The following PLEKHH1 variants were observed in gnomAD, a reference collection of about 807,000 sequenced individuals.
The protein encoded by PLEKHH1 is pleckstrin homology, MyTH4 and FERM domain containing H1.
Under a neutral mutation model 160.0 loss-of-function variants are expected in PLEKHH1, and 104 were observed. That is an observed-to-expected ratio of 0.65 (90% CI 0.55 to 0.76). The LOEUF is 0.76. Among genes scored for constraint, PLEKHH1 ranks in the 30% least tolerant of loss-of-function variants. The pLI, the probability that PLEKHH1 is intolerant of heterozygous loss-of-function variation, is 0.00. For synonymous variants in PLEKHH1, 619 were observed against 678.4 expected, an observed-to-expected ratio of 0.91 and a Z score of 1.36; for missense variants, 1,427 against 1,724.1, an observed-to-expected ratio of 0.83 and a Z score of 3.05.
At chr14:67,568,547 G>A (rs143397797) in intron 7 of PLEKHH1, among the ~76,000 whole-genome samples, 81 of 151,996 alleles carry the variant, frequency 5.3e-4, no homozygotes, top group Non-Finnish European at 5.9e-4. Flanking sequence ...CATGACACAC[G>A]TTTACCTACA....
At position 67,578,288 on chromosome 14, in the gene PLEKHH1, T is replaced by G; in HGVS notation, c.2751+89T>G. 1.6e-5 allele frequency: 19 copies of G among 1,203,308 alleles called. No individual in the cohort carries two copies. The highest frequency in any genetic ancestry group is 2.2e-5 in the Non-Finnish European group (18 of 830,614). 74.5% of individuals were successfully genotyped at this position (1,203,308 alleles called of 1,614,324 possible). A position where few individuals can be genotyped will look rare whatever the true frequency, so the allele number is the denominator to read the frequency against. On this transcript the variant is annotated intron_variant, in intron 19 of 28. Transcript: ENST00000329153. This position sits in a 1 kb window ranked among gnomAD's most constrained non-coding sequence, Gnocchi z 5.0. ...GTGGGAGGAGGTGACTGGGCAGGTATACGGTGAGCCCAGCCAGCGGGCAGC... is the reference window on the plus strand; with the variant it reads ...GTGGGAGGAGGTGACTGGGCAGGTAGACGGTGAGCCCAGCCAGCGGGCAGC...
In PLEKHH1 at chr14:67,578,447, G is replaced by A. The variant is rs1319025809; in HGVS notation, c.2752-87G>A. ...TTGGGGGCTCTGGTTTGGGGAAAGAGTGCTGAAGGCTCTGTAGCTCAGGGC... is the reference window on the plus strand; with the variant it reads ...TTGGGGGCTCTGGTTTGGGGAAAGAATGCTGAAGGCTCTGTAGCTCAGGGC... On this transcript the variant is annotated intron_variant, in intron 19 of 28. Coordinates refer to ENST00000329153, the MANE Select transcript of PLEKHH1 (RefSeq NM_020715.3). The surrounding 1 kb of genome is among the most constrained non-coding windows in gnomAD (Gnocchi z 5.0). 5 of 999,482 alleles carry A rather than the reference G, an allele frequency of 5.0e-6. No homozygotes were observed. The highest frequency in any genetic ancestry group is 1.4e-5 in the South Asian group (1 of 72,866). 61.9% of individuals were successfully genotyped at this position (999,482 alleles called of 1,614,324 possible).
rs1036905935 is a variant in PLEKHH1, at chr14:67,583,999, C to T, written c.3574C>T (p.Leu1192=). 6 of 1,613,912 alleles carry T rather than the reference C, an allele frequency of 3.7e-6. No homozygotes were observed. In the African/African-American group the frequency reaches 8.0e-5, roughly 22 times the overall value. ...HGAPAEQLRH[L]ADMLTTKWAT... Reference sequence around the variant, plus strand: ...CTCTCCATCTGCCCACACCAGGCACCTGGCAGATATGTTGACCACAAAATG... The same window carrying T: ...CTCTCCATCTGCCCACACCAGGCACTTGGCAGATATGTTGACCACAAAATG... Residue 1192 remains leucine, a synonymous_variant, in exon 26 of 29, where the codon CTG becomes TTG. Coordinates refer to ENST00000329153, the MANE Select transcript of PLEKHH1 (RefSeq NM_020715.3).
intron 15 of PLEKHH1, 118 bp downstream of exon 15, chr14:67,575,590 A>C: frequency 2.6e-6 from 2 of 772,992 alleles, no homozygotes; most frequent in East Asian, 2.7e-5. Flanking sequence ...ATACAAAATC[A>C]GTTGGCTGGA....
Position 67,562,711 on chromosome 14 carries a change from C to A in PLEKHH1, c.1080C>A (p.Gly360=). ...TEAFSALHPS[G]LPELESRARS... ...CCTTCTCAGCCCTCCACCCCTCTGG[C>A]CTTCCTGAGCTGGAGTCCCGAGCTA... The change falls in exon 7 of 29, where the codon GGC becomes GGA. Residue 360 remains glycine, a synonymous_variant. Coordinates refer to ENST00000329153, the MANE Select transcript of PLEKHH1 (RefSeq NM_020715.3). The A allele has an allele frequency of 6.2e-7, 1 of 1,613,060 alleles. No homozygotes were observed. The highest frequency in any genetic ancestry group is 8.5e-7 in the Non-Finnish European group (1 of 1,179,570).
chr14:67,562,499 C>T lies in PLEKHH1; in HGVS notation c.868C>T (p.Gln290Ter), dbSNP rs2034886581. The change falls in exon 7 of 29, where the codon CAG becomes TAG. Residue 290 changes from glutamine to a stop codon, truncating the protein, a stop_gained. Transcript: ENST00000329153. LOFTEE classifies it high-confidence loss of function. ...ASWGEGLVTAQRGMLPGTKTS... is the reference protein window; with the variant it reads ...ASWGEGLVTA ...CTGGGGTGAGGGTCTGGTTACTGCTCAGAGAGGGATGCTCCCTGGGACAAA... is the reference window on the plus strand; with the variant it reads ...CTGGGGTGAGGGTCTGGTTACTGCTTAGAGAGGGATGCTCCCTGGGACAAA... 1.2e-6 allele frequency: 2 copies of T among 1,612,348 alleles called. No homozygotes were observed. Among genetic ancestry groups the T allele is most frequent in the East Asian group, 2.2e-5 (1 of 44,806 alleles).
Position 67,575,421 on chromosome 14 carries a change from G to A in PLEKHH1, c.2118G>A (p.Trp706Ter). 1 of 1,610,194 alleles carries A rather than the reference G, an allele frequency of 6.2e-7. No individual in the cohort carries two copies. Residue 706 changes from tryptophan (W) to a stop codon, truncating the protein, a stop_gained, in exon 15 of 29, where the codon TGG becomes TGA. Coordinates refer to ENST00000329153, the MANE Select transcript of PLEKHH1 (RefSeq NM_020715.3). LOFTEE classifies it high-confidence loss of function. ...KVKHGHSKVV[W>*]CALVGKIFYY... ...AGCATGGCCACTCCAAGGTGGTCTG[G>A]TGCGCTCTTGTTGGGAAAATCTTCT...
chr14:67,585,750 A>G (rs971090326), intron 27 of PLEKHH1, 96 bp downstream of exon 27: 2 of 1,059,622 alleles, frequency 1.9e-6, no homozygotes, highest in African/African-American at 3.1e-5. Flanking sequence ...CCAAGTGACC[A>G]TGGCTGCCCT....
At chr14:67,572,487 TC>T in intron 11 of PLEKHH1, among the ~76,000 whole-genome samples, 1 of 152,220 alleles carries the variant, frequency 6.6e-6, no homozygotes, top group Admixed American at 6.5e-5. Flanking sequence ...CCCAGAGAGC[TC>T]CTGGAATACC....
Position 67,562,816 on chromosome 14 carries a change from G to A in PLEKHH1, c.1185G>A (p.Lys395=), listed in dbSNP as rs1316541894. The part of the protein sequence containing the change: ...AGKNEERESP[K]ALGAELEEVE... ...AGAATGAGGAAAGAGAGAGCCCAAA[G>A]GCCCTTGGAGCTGAGCTGGAGGAAG... is the stretch of plus-strand genomic sequence containing the variant. The change falls in exon 7 of 29, where the codon AAG becomes AAA. Residue 395 remains lysine (K), a synonymous_variant. Transcript: ENST00000329153. 1 of 1,613,722 alleles carries A rather than the reference G, an allele frequency of 6.2e-7. No homozygotes were observed. The highest frequency in any genetic ancestry group is 1.7e-5 in the Admixed American group (1 of 59,982).
rs764889690 is a variant in PLEKHH1 at position 67,562,409 on chromosome 14, G to A, written c.778G>A (p.Gly260Arg). The change falls in exon 7 of 29, where the codon GGA (glycine) becomes AGA (arginine). Residue 260 changes from glycine (G) to arginine (R), a missense_variant. By Grantham distance (125) the Gly-to-Arg change is moderately radical (BLOSUM62 -2). Transcript: ENST00000329153. ...VEAKPLQPHLGRESPPHQPCM... is the reference protein window; with the variant it reads ...VEAKPLQPHLRRESPPHQPCM... ...GGCCAAGCCCCTTCAACCTCATCTG[G>A]GAAGAGAGAGCCCTCCCCACCAGCC... 21 of 1,613,766 alleles carry A rather than the reference G, an allele frequency of 1.3e-5. No homozygotes were observed. In the East Asian group the frequency reaches 4.0e-4, roughly 31 times the overall value.
chr14:67,584,140 A>C lies in PLEKHH1; in HGVS notation c.3699+16A>C. The C allele has an allele frequency of 6.2e-7, 1 of 1,611,228 alleles. No individual in the cohort carries two copies. On this transcript the variant is annotated intron_variant, in intron 26 of 28. Coordinates refer to ENST00000329153, the MANE Select transcript of PLEKHH1 (RefSeq NM_020715.3). ...TGCTGCTCAGGTAAGTGCCAGTGGA[A>C]GGAGCTGCCCACACCCTTAGGTGTG... is the stretch of plus-strand genomic sequence containing the variant.
chr14:67,563,286 G>A (rs2034927748), intron 7 of PLEKHH1, among the ~76,000 whole-genome samples: 1 of 152,228 alleles, frequency 6.6e-6, no homozygotes, highest in Non-Finnish European at 1.5e-5. Context: ...GAACCTCTGT[G>A]CCTCAGCTTC....
chr14:67,574,246 T>C lies in PLEKHH1; in HGVS notation c.1931T>C (p.Ile644Thr), dbSNP rs749191698. 3.1e-6 allele frequency: 5 copies of C among 1,601,332 alleles called. No individual in the cohort carries two copies. Among genetic ancestry groups the C allele is most frequent in the Non-Finnish European group, 4.3e-6 (5 of 1,173,656 alleles). Residue 644 changes from isoleucine (I) to threonine (T), a missense_variant, in exon 14 of 29, where the codon ATC becomes ACC. Physicochemically the swap from Ile to Thr is moderately conservative, Grantham distance 89. Coordinates refer to ENST00000329153, the MANE Select transcript of PLEKHH1 (RefSeq NM_020715.3). This position sits in a 1 kb window ranked among gnomAD's most constrained non-coding sequence, Gnocchi z 4.2. Reference protein sequence around the residue: ...RGEGSQTFQLISEKKTYYLTA... With the variant: ...RGEGSQTFQLTSEKKTYYLTA... Reference sequence around the variant, plus strand: ...CCCATATCTCGCCCTCCACAGCTCATCTCTGAGAAGAAAACCTACTACCTG... The same window carrying C: ...CCCATATCTCGCCCTCCACAGCTCACCTCTGAGAAGAAAACCTACTACCTG...
In PLEKHH1 at chr14:67,582,082, A is replaced by T. The variant is rs1456733570; in HGVS notation, c.3298A>T (p.Ser1100Cys). The T allele has an allele frequency of 1.2e-6, 2 of 1,611,084 alleles. No homozygotes were observed. Among genetic ancestry groups the T allele is most frequent in the Non-Finnish European group, 1.7e-6 (2 of 1,178,808 alleles). Residue 1100 changes from serine (S) to cysteine (C), a missense_variant, in exon 24 of 29, where the codon AGT becomes TGT. Physicochemically the swap from Ser to Cys is moderately radical, Grantham distance 112. Coordinates refer to ENST00000329153, the MANE Select transcript of PLEKHH1 (RefSeq NM_020715.3). This position sits in a 1 kb window ranked among gnomAD's most constrained non-coding sequence, Gnocchi z 5.0. ...TCTTCTTTGTAGGCTGTACTTTCGCAGTCAAGTCAAAGGGGAGACGGACCG... is the reference window on the plus strand; with the variant it reads ...TCTTCTTTGTAGGCTGTACTTTCGCTGTCAAGTCAAAGGGGAGACGGACCG... ...LMYKNRLYFR[S>C]QVKGETDRER... is the part of the protein sequence containing the mutation.
intron 9 of PLEKHH1, 102 bp downstream of exon 9, chr14:67,570,114 T>C (rs1456747943): frequency 7.1e-6 from 6 of 843,962 alleles, no homozygotes; most frequent in African/African-American, 6.7e-5. Context: ...CTTCTGCACA[T>C]GGTGACCCTG....
chr14:67,568,771 A>C (rs1190691803), intron 7 of PLEKHH1, among the ~76,000 whole-genome samples: 5 of 152,140 alleles, frequency 3.3e-5, no homozygotes, highest in African/African-American at 1.2e-4. Flanking sequence ...AAGGGTCTCT[A>C]AAACGGGTAG....
chr14:67,558,547 G>T (rs550838367), intron 4 of PLEKHH1, among the ~76,000 whole-genome samples: 2 of 152,102 alleles, frequency 1.3e-5, no homozygotes, highest in Non-Finnish European at 2.9e-5. Context: ...AGCATCTTGG[G>T]GGTTGGTGGA....
chr14:67,589,429 T>C lies in PLEKHH1; in HGVS notation c.*2194T>C. On this transcript the variant is annotated 3_prime_UTR_variant, in exon 29 of 29. Transcript: ENST00000329153. ...TTGGCAAAAGTAGCTTTTGAACTGA[T>C]ATAAAAAAAAATGCTGAGTAACAGA... 9 of 985,264 alleles carry C rather than the reference T, an allele frequency of 9.1e-6. No individual in the cohort carries two copies. Among genetic ancestry groups the C allele is most frequent in the Non-Finnish European group, 1.1e-5 (9 of 829,844 alleles). The allele number at this position is 985,264 out of a possible 1,614,324, so 61.0% of individuals were successfully genotyped here.
Sources: gnomAD v4.1 joint callset for allele counts (sites outside exome capture counted in the v4.1 genomes callset) on GRCh38, gnomAD v4.1.1 for gene constraint, Gnocchi (gnomAD v3.1) non-coding constraint, MANE v1.5 for transcripts, NCBI Gene and HGNC (gene_info 2026-07-23, HGNC 2026-07-21) for gene names.